Variants in HLA-DPA1 observed in about 807,000 individuals in gnomAD.
The protein encoded by HLA-DPA1 is HLA class II histocompatibility antigen, DP alpha 1 chain.
Under a neutral mutation model 21.5 loss-of-function variants are expected in HLA-DPA1, and 20 were observed. That is an observed-to-expected ratio of 0.93 (90% CI 0.66 to 1.35). HLA-DPA1 has a LOEUF of 1.35. Ranked by LOEUF, HLA-DPA1 falls within the 40% of genes most tolerant of loss-of-function variation. The probability of loss-of-function intolerance (pLI) is 0.00; values close to 1 mark genes in which losing one functional copy is unlikely to be tolerated. For synonymous variants in HLA-DPA1, 123 were observed against 129.6 expected, an observed-to-expected ratio of 0.95 and a Z score of 0.35; for missense variants, 279 against 323.0, an observed-to-expected ratio of 0.86 and a Z score of 1.05.
chr6:33,069,833 C>A lies in HLA-DPA1; in HGVS notation c.154G>T (p.Glu52Ter), dbSNP rs761658130. 39 of 1,610,500 alleles carry A rather than the reference C, an allele frequency of 2.4e-5. No homozygotes were observed. The highest frequency in any genetic ancestry group is 6.7e-5 in the Admixed American group (4 of 59,990). The change falls in exon 3 of 6, where the codon GAG becomes TAG. Residue 52 changes from glutamate to a stop codon, truncating the protein, a stop_gained. Transcript: ENST00000419277. LOFTEE classifies it high-confidence loss of function. ...TCTTCATCAAATTCAAACATAAACT[C>A]CCCTGTTGGTCTATGCGTCTGTACA... is the stretch of plus-strand genomic sequence containing the variant.
chr6:33,069,321 G>C (rs1172279775), intron 3 of HLA-DPA1, 21 bp from the exon 3 acceptor site: 5 of 1,604,748 alleles, frequency 3.1e-6, no homozygotes, highest in African/African-American at 1.3e-5. Context: ...ACAGCACCAG[G>C]TTAGGCCCCT....
At chr6:33,072,938 G>A (rs6914849) in intron 2 of HLA-DPA1, among the ~76,000 whole-genome samples, 43,334 of 151,938 alleles carry the variant, frequency 0.29, 8,092 homozygotes, top group East Asian at 0.66. Context: ...TAGAAGAGAG[G>A]GAGGATACAG....
At chr6:33,069,181 C>T (rs750145849) in exon 4 of HLA-DPA1, 9 of 1,612,976 alleles carry the variant, frequency 5.6e-6, no homozygotes, top group Non-Finnish European at 7.6e-6. Flanking sequence ...ACCAGCTCCC[C>T]GTTGCACAGC....
At chr6:33,068,946 G>C in intron 4 of HLA-DPA1, 73 bp downstream of exon 3, 1 of 1,554,554 alleles carries the variant, frequency 6.4e-7, no homozygotes, top group Non-Finnish European at 8.8e-7. Flanking sequence ...AGTGCGGAAA[G>C]CTGGTGCAGA....
intron 5 of HLA-DPA1, chr6:33,065,747 G>C (rs539328410): frequency 2.8e-5 from 4 of 145,162 alleles, no homozygotes; most frequent in Admixed American, 2.0e-4. Context: ...TGTGTATACT[G>C]CTCTTTGAAA....
At chr6:33,068,455 T>C in intron 5 of HLA-DPA1, 183 bp downstream of exon 4, 1 of 528,588 alleles carries the variant, frequency 1.9e-6, no homozygotes, top group South Asian at 3.6e-5. Context: ...AGTGAGTTAA[T>C]AAATGTAAAT....
At chr6:33,073,297 G>A (rs754202326) in intron 2 of HLA-DPA1, 174 bp downstream of exon 1, 15 of 549,924 alleles carry the variant, frequency 2.7e-5, no homozygotes, top group East Asian at 1.2e-4. Flanking sequence ...CTATGCAGGA[G>A]TCTCATAAAT....
At chr6:33,073,335 G>A in intron 2 of HLA-DPA1, 136 bp downstream of exon 1, 1 of 624,040 alleles carries the variant, frequency 1.6e-6, no homozygotes, top group Non-Finnish European at 2.9e-6. Flanking sequence ...TTATTATTAT[G>A]AGGGCCAGAG....
At chr6:33,066,788 A>AC (rs1374577625) in intron 5 of HLA-DPA1, 2 of 152,162 alleles carry the variant, frequency 1.3e-5, no homozygotes, top group African/African-American at 4.8e-5. Flanking sequence ...TAGAAAAGGA[A>AC]CCCCCAAGTG....
intron 5 of HLA-DPA1, chr6:33,066,592 A>G (rs1562118445): frequency 6.6e-6 from 1 of 152,210 alleles, no homozygotes; most frequent in Non-Finnish European, 1.5e-5. Flanking sequence ...AATATTAAGG[A>G]TTTCTCTTCA....
intron 1 of HLA-DPA1, among the ~76,000 whole-genome samples, chr6:33,078,354 G>A (rs1762662771): frequency 6.6e-6 from 1 of 152,078 alleles, no homozygotes; most frequent in Non-Finnish European, 1.5e-5. Flanking sequence ...AAGTGGGCAG[G>A]GCTGATTCCA....
chr6:33,064,847 G>GA (rs1297349882), exon 6 of HLA-DPA1: 1 of 152,136 alleles, frequency 6.6e-6, no homozygotes, highest in African/African-American at 2.4e-5. Context: ...TGTAGTTAGG[G>GA]AAAAACCCAG....
At chr6:33,073,697 T>C in intron 1 of HLA-DPA1, 48 bp from the exon 1 acceptor site, 2 of 657,754 alleles carry the variant, frequency 3.0e-6, no homozygotes, top group Non-Finnish European at 2.7e-6. Context: ...GGAATCAGCA[T>C]GGCTGGGATT....
intron 2 of HLA-DPA1, among the ~76,000 whole-genome samples, chr6:33,070,271 T>A (rs575276362): frequency 3.3e-5 from 5 of 152,152 alleles, no homozygotes; most frequent in Non-Finnish European, 7.3e-5. Context: ...ATTGTCACAA[T>A]AACCCTATGA....
At chr6:33,071,631 C>CGTATAACTTACGCGTATACTT (rs1762285870) in intron 2 of HLA-DPA1, among the ~76,000 whole-genome samples, 2 of 152,158 alleles carry the variant, frequency 1.3e-5, no homozygotes, top group African/African-American at 4.8e-5. Context: ...TCCTGTTCTG[C>CGTATAACTTACGCGTATACTT]AGACGCGTAT....
chr6:33,068,433 G>T (rs3180553), intron 5 of HLA-DPA1: 120,201 of 501,326 alleles, frequency 0.24, 22,101 homozygotes, highest in East Asian at 0.62. Context: ...CAAAGACTAT[G>T]TGTGAGAATA....
intron 5 of HLA-DPA1, 25 bp downstream of exon 4, chr6:33,068,613 T>G: frequency 6.5e-7 from 1 of 1,547,998 alleles, no homozygotes; most frequent in Non-Finnish European, 8.7e-7. Context: ...CTACAAATCC[T>G]AGGGCCTCCT....
chr6:33,075,114 T>C lies in HLA-DPA1; in HGVS notation c.-99-1445A>G, dbSNP rs180975660. Among the ~76,000 whole-genome samples the C allele has an allele frequency of 2.8e-4, 43 of 152,352 alleles. No individual in the cohort carries two copies. The East Asian group carries it at 7.7e-3, about 27-fold the overall frequency. On this transcript the variant is annotated intron_variant, in intron 1 of 5. Transcript: ENST00000419277. Reference sequence around the variant, plus strand: ...TCACTCTAAACAAAATAGAATCAGATGCTTTGAAGGAGGTGGGGTCTTTGA... The same window carrying C: ...TCACTCTAAACAAAATAGAATCAGACGCTTTGAAGGAGGTGGGGTCTTTGA...
Position 33,071,976 on chromosome 6 carries a change from G to A in HLA-DPA1, c.100+1495C>T, listed in dbSNP as rs191432154. ...ATAGAACTGAGAGTCATTAGTGGCA[G>A]GTGCAGGTTAAATAAGATTTTCCAG... On this transcript the variant is annotated intron_variant, in intron 2 of 5. Coordinates refer to ENST00000419277, the Ensembl canonical transcript of HLA-DPA1. 7.9e-5 allele frequency among the ~76,000 whole-genome samples: 12 copies of A among 152,236 alleles called. No homozygotes were observed. In the South Asian group the frequency reaches 8.3e-4, roughly 11 times the overall value.
Sources: gnomAD v4.1 joint callset for allele counts (sites outside exome capture counted in the v4.1 genomes callset) on GRCh38, gnomAD v4.1.1 for gene constraint, MANE v1.5 for transcripts, NCBI Gene and HGNC (gene_info 2026-07-23, HGNC 2026-07-21) for gene names.